NME5: variants seen among roughly 807,000 people sequenced by gnomAD.
NME5 encodes NME/NM23 family member 5, also known as nucleoside diphosphate kinase 5.
A neutral mutation model predicts 21.6 loss-of-function variants in NME5; 18 were observed. That is an observed-to-expected ratio of 0.83 (90% CI 0.58 to 1.24). The LOEUF (loss-of-function observed/expected upper bound fraction) is 1.24, where lower values mean the gene tolerates loss of function less well. Among genes scored for constraint, NME5 ranks in the 50% most tolerant of loss-of-function variants. The pLI, the probability that NME5 is intolerant of heterozygous loss-of-function variation, is 0.00. For synonymous variants in NME5, 70 were observed against 80.6 expected (o/e 0.87, Z 0.71); for missense variants, 223 against 255.4 (o/e 0.87, Z 0.86).
At chr5:138,130,084 T>C (rs1457622756) in intron 2 of NME5, among the ~76,000 whole-genome samples, 1 of 152,238 alleles carries the variant, frequency 6.6e-6, no homozygotes, top group African/African-American at 2.4e-5. Flanking sequence ...CATGTTTCTC[T>C]ATTTGTGTTA....
intron 5 of NME5, among the ~76,000 whole-genome samples, chr5:138,117,044 C>G (rs1051336578): frequency 6.6e-6 from 1 of 151,662 alleles, no homozygotes; most frequent in African/African-American, 2.4e-5. Flanking sequence ...CCCATCTCTA[C>G]AAAAAATTTT....
intron 4 of NME5, among the ~76,000 whole-genome samples, chr5:138,121,692 T>C (rs1347369177): frequency 6.6e-6 from 1 of 152,214 alleles, no homozygotes; most frequent in East Asian, 1.9e-4. Context: ...CTTATAATTG[T>C]GGCTTTGCAG....
chr5:138,133,731 G>A (rs1260556646), intron 2 of NME5, among the ~76,000 whole-genome samples: 2 of 152,202 alleles, frequency 1.3e-5, no homozygotes, highest in Non-Finnish European at 2.9e-5. Context: ...AAAGCATACA[G>A]TGCAAAGGAC....
chr5:138,136,746 G>A (rs1751706917), intron 2 of NME5, among the ~76,000 whole-genome samples: 2 of 151,924 alleles, frequency 1.3e-5, no homozygotes, highest in South Asian at 2.1e-4. Context: ...ATGTTCAAGC[G>A]ATTCTCCTGC....
At chr5:138,134,898 G>A (rs1233979552) in intron 2 of NME5, among the ~76,000 whole-genome samples, 1 of 149,848 alleles carries the variant, frequency 6.7e-6, no homozygotes, top group Non-Finnish European at 1.5e-5. Flanking sequence ...TGTAGTTTTA[G>A]TAGAGACGGG....
At chr5:138,120,319 C>T (rs1751259201) in intron 4 of NME5, among the ~76,000 whole-genome samples, 1 of 149,386 alleles carries the variant, frequency 6.7e-6, no homozygotes, top group Non-Finnish European at 1.5e-5. Flanking sequence ...CTGCAAGCTC[C>T]GCCTCCTGGG....
chr5:138,130,034 A>G (rs765752829), intron 2 of NME5, among the ~76,000 whole-genome samples: 1 of 152,194 alleles, frequency 6.6e-6, no homozygotes, highest in African/African-American at 2.4e-5. Flanking sequence ...AGTAAATAAC[A>G]CTTCAATTAA....
At chr5:138,132,027 G>A (rs1328154555) in intron 2 of NME5, among the ~76,000 whole-genome samples, 1 of 152,174 alleles carries the variant, frequency 6.6e-6, no homozygotes, top group Non-Finnish European at 1.5e-5. Flanking sequence ...TTACAGGTGT[G>A]AGCCACCGCG....
At chr5:138,130,628 A>C (rs1751539461) in intron 2 of NME5, among the ~76,000 whole-genome samples, 1 of 152,018 alleles carries the variant, frequency 6.6e-6, no homozygotes, top group African/African-American at 2.4e-5. Context: ...ATCTCTACTA[A>C]AAATACAAAA....
chr5:138,130,343 T>C (rs1751532404), intron 2 of NME5, among the ~76,000 whole-genome samples: 1 of 152,100 alleles, frequency 6.6e-6, no homozygotes, highest in Non-Finnish European at 1.5e-5. Flanking sequence ...ATAACACGAC[T>C]GCACTCCAGC....
At chr5:138,133,315 C>T (rs1013429586) in intron 2 of NME5, among the ~76,000 whole-genome samples, 1 of 151,754 alleles carries the variant, frequency 6.6e-6, no homozygotes, top group Non-Finnish European at 1.5e-5. Flanking sequence ...ACCGTGTTAG[C>T]CAGGATGGTC....
At chr5:138,135,912 T>C (rs1751687651) in intron 2 of NME5, among the ~76,000 whole-genome samples, 2 of 152,186 alleles carry the variant, frequency 1.3e-5, no homozygotes, top group Admixed American at 6.6e-5. Flanking sequence ...TCACAAAAGG[T>C]TGGTACACAT....
chr5:138,133,820 C>T (rs548296845), intron 2 of NME5, among the ~76,000 whole-genome samples: 1 of 152,106 alleles, frequency 6.6e-6, no homozygotes, highest in Admixed American at 6.5e-5. Context: ...TAGTGGTTAT[C>T]GGGGATGGGG....
chr5:138,127,484 A>C, intron 4 of NME5: 3 of 977,574 alleles, frequency 3.1e-6, no homozygotes, highest in Non-Finnish European at 3.6e-6. Flanking sequence ...TATCCAGTGG[A>C]AAATACTGAG....
intron 5 of NME5, among the ~76,000 whole-genome samples, chr5:138,116,906 G>A (rs1328226134): frequency 6.6e-6 from 1 of 151,928 alleles, no homozygotes; most frequent in East Asian, 1.9e-4. Context: ...AAATATAAGA[G>A]CTTAAACAAT....
chr5:138,130,830 G>A (rs1312787596), intron 2 of NME5, among the ~76,000 whole-genome samples: 1 of 152,078 alleles, frequency 6.6e-6, no homozygotes, highest in Non-Finnish European at 1.5e-5. Context: ...GAAGGCTGAG[G>A]CAGGCCAACA....
chr5:138,120,883 A>G (rs1751272386), intron 4 of NME5, among the ~76,000 whole-genome samples: 1 of 152,212 alleles, frequency 6.6e-6, no homozygotes, highest in African/African-American at 2.4e-5. Flanking sequence ...CAGTAAGTCA[A>G]AAACACATTT....
chr5:138,131,285 G>A (rs1751561942), intron 2 of NME5, among the ~76,000 whole-genome samples: 1 of 151,562 alleles, frequency 6.6e-6, no homozygotes, highest in South Asian at 2.1e-4. Context: ...GGAGGCTGAG[G>A]CAGGAGAATC....
intron 4 of NME5, among the ~76,000 whole-genome samples, 169 bp from the exon 5 acceptor site, chr5:138,119,105 C>T (rs767705507): frequency 6.6e-6 from 1 of 152,176 alleles, no homozygotes; most frequent in Non-Finnish European, 1.5e-5. Flanking sequence ...TCTCAGATCA[C>T]TGCAACCTCC....
Sources: gnomAD v4.1 joint callset for allele counts (sites outside exome capture counted in the v4.1 genomes callset) on GRCh38, gnomAD v4.1.1 for gene constraint, MANE v1.5 for transcripts, NCBI Gene and HGNC (gene_info 2026-07-23, HGNC 2026-07-21) for gene names.